LAPTM4B: variants seen among roughly 807,000 people sequenced by gnomAD.
The protein encoded by LAPTM4B is lysosomal protein transmembrane 4 beta, also known as lysosomal-associated transmembrane protein 4B.
LAPTM4B carries 26 observed loss-of-function variants against 28.5 expected under a neutral mutation model. That is an observed-to-expected ratio of 0.91 (90% CI 0.67 to 1.27). LAPTM4B has a LOEUF of 1.27. LAPTM4B is among the 50% of genes most tolerant of loss of function. The pLI, the probability that LAPTM4B is intolerant of heterozygous loss-of-function variation, is 0.00. For synonymous variants in LAPTM4B, 109 were observed against 106.4 expected (o/e 1.02, Z -0.15); for missense variants, 288 against 285.8 (o/e 1.01, Z -0.06).
At chr8:97,823,343 G>GT (rs1817037805) in intron 5 of LAPTM4B, among the ~76,000 whole-genome samples, 1 of 62,736 alleles carries the variant, frequency 1.6e-5, no homozygotes, top group African/African-American at 6.8e-5. Flanking sequence ...CATACAATAT[G>GT]GTTTTTTTTT....
chr8:97,808,616 C>A (rs1474598260), intron 2 of LAPTM4B, among the ~76,000 whole-genome samples: 1 of 152,066 alleles, frequency 6.6e-6, no homozygotes, highest in Non-Finnish European at 1.5e-5. Context: ...AGGTGAATAT[C>A]CACTTTTCTG....
chr8:97,807,386 C>T (rs1299130363), intron 2 of LAPTM4B, among the ~76,000 whole-genome samples: 1 of 152,144 alleles, frequency 6.6e-6, no homozygotes, highest in African/African-American at 2.4e-5. Flanking sequence ...GCCTGGTCAA[C>T]GTGGCAAAAC....
chr8:97,776,201 C>G (rs905950097), intron 1 of LAPTM4B, 93 bp downstream of exon 1: 14 of 1,312,960 alleles, frequency 1.1e-5, no homozygotes, highest in Non-Finnish European at 1.4e-5. Context: ...GAGGCGTGCG[C>G]TCATCCGCCT....
intron 1 of LAPTM4B, among the ~76,000 whole-genome samples, chr8:97,796,193 G>A (rs1816580355): frequency 6.6e-6 from 1 of 152,132 alleles, no homozygotes; most frequent in Admixed American, 6.5e-5. Flanking sequence ...TACCTGCCTC[G>A]AGCTCCCAAA....
chr8:97,798,939 G>A (rs1816631822), intron 1 of LAPTM4B, among the ~76,000 whole-genome samples: 1 of 152,214 alleles, frequency 6.6e-6, no homozygotes, highest in Admixed American at 6.5e-5. Flanking sequence ...CGTCGTCATA[G>A]TCCTTCCACT....
At chr8:97,842,339 C>G (rs1817362372) in intron 6 of LAPTM4B, among the ~76,000 whole-genome samples, 1 of 151,918 alleles carries the variant, frequency 6.6e-6, no homozygotes, top group Non-Finnish European at 1.5e-5. Context: ...CATAGTTTAC[C>G]AACCCCAGCC....
chr8:97,825,279 T>C, intron 6 of LAPTM4B, 126 bp downstream of exon 6: 1 of 521,406 alleles, frequency 1.9e-6, no homozygotes. Context: ...TGCTTAGTTA[T>C]CAAAAGATTC....
chr8:97,843,383 C>A (rs140528407), intron 6 of LAPTM4B, among the ~76,000 whole-genome samples: 2 of 152,000 alleles, frequency 1.3e-5, no homozygotes, highest in African/African-American at 4.8e-5. Context: ...GCCAAGATTG[C>A]GCCATTGGAC....
At chr8:97,807,121 G>A (rs898841902) in intron 2 of LAPTM4B, among the ~76,000 whole-genome samples, 6 of 152,164 alleles carry the variant, frequency 3.9e-5, no homozygotes, top group Non-Finnish European at 8.8e-5. Context: ...TAATACAGGT[G>A]TAGGCTCCGA....
At chr8:97,802,383 A>G (rs1816696981) in intron 1 of LAPTM4B, among the ~76,000 whole-genome samples, 1 of 152,146 alleles carries the variant, frequency 6.6e-6, no homozygotes, top group Admixed American at 6.6e-5. Context: ...TAGGGTAACT[A>G]CCTGACGTTG....
In LAPTM4B at chr8:97,848,320, T is replaced by C. The variant is rs1318811821; in HGVS notation, c.604-3077T>C. ...TTAAAATGAAACTTTAAAACGAGTT[T>C]GAAGATGAATAATAAGAAATAGTGA... On this transcript the variant is annotated intron_variant, in intron 6 of 6. Transcript: ENST00000521545. 2.0e-5 allele frequency among the ~76,000 whole-genome samples: 3 copies of C among 152,242 alleles called. No individual in the cohort carries two copies. The East Asian group carries it at 5.8e-4, about 29-fold the overall frequency.
chr8:97,822,577 C>T (rs569011249), intron 5 of LAPTM4B, among the ~76,000 whole-genome samples: 1 of 147,552 alleles, frequency 6.8e-6, no homozygotes, highest in East Asian at 2.0e-4. Flanking sequence ...TATTAAGGCA[C>T]AACCATGTTC....
At chr8:97,838,441 C>T (rs150504177) in intron 6 of LAPTM4B, among the ~76,000 whole-genome samples, 8 of 152,316 alleles carry the variant, frequency 5.3e-5, no homozygotes, top group Non-Finnish European at 8.8e-5. Context: ...GGCCTTGTGC[C>T]GAGTGCTTTA....
chr8:97,782,082 G>A (rs528735974), intron 1 of LAPTM4B, among the ~76,000 whole-genome samples: 1 of 151,052 alleles, frequency 6.6e-6, no homozygotes, highest in African/African-American at 2.4e-5. Flanking sequence ...CCAGGTTCAA[G>A]CAATTCTCCT....
intron 3 of LAPTM4B, 109 bp downstream of exon 3, chr8:97,815,510 C>T: frequency 1.3e-6 from 1 of 782,294 alleles, no homozygotes; most frequent in Non-Finnish European, 2.2e-6. Context: ...TTAAGAATCT[C>T]TGTTTAAATC....
intron 6 of LAPTM4B, among the ~76,000 whole-genome samples, chr8:97,839,407 G>A (rs775790423): frequency 6.6e-5 from 10 of 152,086 alleles, no homozygotes; most frequent in South Asian, 2.1e-4. Flanking sequence ...TGCCCAGGCC[G>A]ATCTCGAACT....
intron 3 of LAPTM4B, among the ~76,000 whole-genome samples, chr8:97,815,856 C>A (rs973529660): frequency 7.2e-5 from 11 of 152,176 alleles, no homozygotes; most frequent in Non-Finnish European, 1.0e-4. Context: ...GTGTGAGACA[C>A]CACACACAGC....
chr8:97,834,327 A>C (rs1233380281), intron 6 of LAPTM4B, among the ~76,000 whole-genome samples: 4 of 152,078 alleles, frequency 2.6e-5, no homozygotes, highest in African/African-American at 9.7e-5. Context: ...AGCGCTATTA[A>C]TGTTATGTTG....
At chr8:97,832,999 C>T (rs546091171) in intron 6 of LAPTM4B, among the ~76,000 whole-genome samples, 2 of 150,972 alleles carry the variant, frequency 1.3e-5, no homozygotes, top group Non-Finnish European at 2.9e-5. Flanking sequence ...AGCCACCGCT[C>T]CTGACCTTCT....
Sources: gnomAD v4.1 joint callset for allele counts (sites outside exome capture counted in the v4.1 genomes callset) on GRCh38, gnomAD v4.1.1 for gene constraint, MANE v1.5 for transcripts, NCBI Gene and HGNC (gene_info 2026-07-23, HGNC 2026-07-21) for gene names.